Variants in NEDD9 observed in about 807,000 individuals in gnomAD.
NEDD9 encodes the protein enhancer of filamentation 1.
Under a neutral mutation model 76.6 loss-of-function variants are expected in NEDD9, and 26 were observed. That is an observed-to-expected ratio of 0.34 (90% CI 0.25 to 0.47). The LOEUF is 0.47. Among genes scored for constraint, NEDD9 ranks in the 20% least tolerant of loss-of-function variants. The pLI, the probability that NEDD9 is intolerant of heterozygous loss-of-function variation, is 1.00. For synonymous variants in NEDD9, 392 were observed against 414.2 expected (o/e 0.95, Z 0.65); for missense variants, 937 against 1,058.5 (o/e 0.89, Z 1.59).
Position 11,198,454 on chromosome 6 carries a change from T to A in NEDD9, c.460-4762A>T, listed in dbSNP as rs911723120. On this transcript the variant is annotated intron_variant, in intron 2 of 6. Transcript: ENST00000379446. The surrounding 1 kb of genome is among the most constrained non-coding windows in gnomAD (Gnocchi z 4.7). ...CTTGTCTGAGATGCTCTTCTTTCTT[T>A]CCTCATATTCAAACTTTAATTGATT... 2.0e-5 allele frequency: 3 copies of A among 152,238 alleles called. No homozygotes were observed. The highest frequency in any genetic ancestry group is 1.5e-5 in the Non-Finnish European group (1 of 68,126). 9.4% of individuals were successfully genotyped at this position (152,238 alleles called of 1,614,324 possible).
chr6:11,237,104 C>G (rs185255011), upstream of NEDD9, among the ~76,000 whole-genome samples: 5 of 152,300 alleles, frequency 3.3e-5, no homozygotes, highest in East Asian at 9.6e-4. The surrounding 1 kb of genome is among the most constrained non-coding windows in gnomAD (Gnocchi z 4.9). Flanking sequence ...TCTACAACCC[C>G]CACCCTGCCC....
At chr6:11,367,135 C>T (rs1554136258) in intron 1 of NEDD9, among the ~76,000 whole-genome samples, 3 of 152,154 alleles carry the variant, frequency 2.0e-5, no homozygotes, top group Non-Finnish European at 4.4e-5. Flanking sequence ...TATGATTGGT[C>T]AAAATATTAG....
At position 11,376,159 on chromosome 6, in the gene NEDD9, G is replaced by C. The variant is rs570855322; in HGVS notation, c.-214+5980C>G. 2.0e-5 allele frequency among the ~76,000 whole-genome samples: 3 copies of C among 152,308 alleles called. No homozygotes were observed. The South Asian group carries it at 6.2e-4, about 32-fold the overall frequency. ...TTCTTTATAAATTACCCAGCCTTGG[G>C]TATTTCTTTATAGTGATGCAAAACG... On this transcript the variant is annotated intron_variant, in intron 1 of 3. Transcript: ENST00000397378.
intron 2 of NEDD9, chr6:11,200,713 C>T (rs2113735869): frequency 5.3e-6 from 7 of 1,313,392 alleles, no homozygotes; most frequent in Non-Finnish European, 6.8e-6. Flanking sequence ...GAATTTCAAA[C>T]CAAAGCAGCA....
intron 1 of NEDD9, among the ~76,000 whole-genome samples, chr6:11,215,123 T>C (rs1044817944): frequency 1.3e-5 from 2 of 152,212 alleles, no homozygotes; most frequent in Non-Finnish European, 2.9e-5. Flanking sequence ...ATGGAAGGGA[T>C]CTGCCCTCTA....
At chr6:11,306,251 A>C in intron 2 of NEDD9, 1 of 546,854 alleles carries the variant, frequency 1.8e-6, no homozygotes, top group South Asian at 2.3e-5. Flanking sequence ...CAGCTGGAAA[A>C]GCCAAATCCA....
At chr6:11,250,207 C>T (rs1759890097) in intron 3 of NEDD9, among the ~76,000 whole-genome samples, 1 of 152,200 alleles carries the variant, frequency 6.6e-6, no homozygotes, top group Admixed American at 6.5e-5. Context: ...TGGCCCTTGT[C>T]CTTGGAGGTC....
intron 2 of NEDD9, among the ~76,000 whole-genome samples, chr6:11,332,331 G>A (rs187421363): frequency 8.5e-5 from 13 of 152,250 alleles, no homozygotes; most frequent in Admixed American, 5.9e-4. Flanking sequence ...ATGGTTCAAG[G>A]ACTACTTCAC....
chr6:11,230,563 T>G (rs1413858413), intron 1 of NEDD9, among the ~76,000 whole-genome samples: 1 of 152,266 alleles, frequency 6.6e-6, no homozygotes, highest in Non-Finnish European at 1.5e-5. Flanking sequence ...TTTCCTGAAG[T>G]AAAGTTGTTC....
Position 11,296,574 on chromosome 6 carries a change from G to A in NEDD9, c.12+9418C>T, listed in dbSNP as rs548330897. Reference sequence around the variant, plus strand: ...TGGATAAGTACCTTGGAACTGCAGTGAACTTGCATTTAGTGGGAAAGAATG... The same window carrying A: ...TGGATAAGTACCTTGGAACTGCAGTAAACTTGCATTTAGTGGGAAAGAATG... On this transcript the variant is annotated intron_variant, in intron 3 of 3. Coordinates refer to the NEDD9 transcript ENST00000397378. 4.7e-4 allele frequency among the ~76,000 whole-genome samples: 72 copies of A among 152,274 alleles called. 1 individual carries two copies. The highest frequency in any genetic ancestry group is 1.0e-3 in the Admixed American group (16 of 15,294).
chr6:11,239,650 A>G (rs1187092658), intron 3 of NEDD9, among the ~76,000 whole-genome samples: 1 of 152,200 alleles, frequency 6.6e-6, no homozygotes, highest in African/African-American at 2.4e-5. Context: ...TTGGCACAAG[A>G]GACCTCATGA....
intron 3 of NEDD9, among the ~76,000 whole-genome samples, chr6:11,261,512 A>G (rs1044239352): frequency 1.3e-5 from 2 of 152,242 alleles, no homozygotes; most frequent in Non-Finnish European, 2.9e-5. Flanking sequence ...TTCATTCAAC[A>G]TAAATTGAGC....
At chr6:11,219,773 C>A (rs548969227) in intron 1 of NEDD9, among the ~76,000 whole-genome samples, 20 of 152,240 alleles carry the variant, frequency 1.3e-4, no homozygotes, top group Non-Finnish European at 2.2e-4. Flanking sequence ...GGCTACATTT[C>A]TCCTTTCCTT....
Position 11,298,007 on chromosome 6 carries a change from A to C in NEDD9, c.12+7985T>G, listed in dbSNP as rs538447642. Among the ~76,000 whole-genome samples the C allele has an allele frequency of 2.7e-5, 4 of 150,496 alleles. No homozygotes were observed. In the East Asian group the frequency reaches 7.8e-4, roughly 30 times the overall value. Reference sequence around the variant, plus strand: ...ACTGCAACCTCTGCCTCTGGGGTTCAAGCAATTCTCATGCCTCAGCCTTCT... The same window carrying C: ...ACTGCAACCTCTGCCTCTGGGGTTCCAGCAATTCTCATGCCTCAGCCTTCT... On this transcript the variant is annotated intron_variant, in intron 3 of 3. Coordinates refer to the NEDD9 transcript ENST00000397378.
chr6:11,220,087 C>A (rs1342913802), intron 1 of NEDD9, among the ~76,000 whole-genome samples: 1 of 152,210 alleles, frequency 6.6e-6, no homozygotes, highest in Non-Finnish European at 1.5e-5. Context: ...TTCTGACACA[C>A]TTTTCACTAG....
At chr6:11,305,447 T>C (rs1761157235) in intron 3 of NEDD9, 3 of 211,646 alleles carry the variant, frequency 1.4e-5, no homozygotes, top group Non-Finnish European at 1.9e-5. Flanking sequence ...AACTAATAGG[T>C]AAAATTACAT....
intron 2 of NEDD9, chr6:11,200,377 G>T: frequency 1.7e-6 from 1 of 582,702 alleles, no homozygotes; most frequent in Non-Finnish European, 2.8e-6. Flanking sequence ...TCTCTCTGGA[G>T]GCAGAGAACA....
In NEDD9 at chr6:11,370,426, G is replaced by T. The variant is rs944479433; in HGVS notation, c.-214+11713C>A. 6.6e-6 allele frequency among the ~76,000 whole-genome samples: 1 copy of T among 152,106 alleles called. No individual in the cohort carries two copies. The highest frequency in any genetic ancestry group is 1.5e-5 in the Non-Finnish European group (1 of 68,018). ...AAAAGTCTGCCTTTGCCTACAGCAC[G>T]CACACACGGCTGGAGGACGGCTCCC... is the stretch of plus-strand genomic sequence containing the variant. On this transcript the variant is annotated intron_variant, in intron 1 of 3. Transcript: ENST00000397378. This position sits in a 1 kb window ranked among gnomAD's most constrained non-coding sequence, Gnocchi z 4.2.
rs143975380 is a variant in NEDD9, at chr6:11,260,926, A to G, written c.12+45066T>C. Among the ~76,000 whole-genome samples the G allele has an allele frequency of 4.6e-5, 7 of 151,858 alleles. No individual in the cohort carries two copies. The East Asian group carries it at 1.4e-3, about 29-fold the overall frequency. ...TGTGTGTGTGTGTGTGTGTGTTGTA[A>G]AAGAATTCTTCCTGGGATTCATGCT... is the stretch of plus-strand genomic sequence containing the variant. On this transcript the variant is annotated intron_variant, in intron 3 of 3. Transcript: ENST00000397378.
Sources: allele counts gnomAD v4.1 joint callset (sites outside exome capture counted in the v4.1 genomes callset), GRCh38; gene constraint gnomAD v4.1.1; non-coding constraint Gnocchi (gnomAD v3.1); transcripts MANE v1.5; gene names NCBI Gene and HGNC (gene_info 2026-07-23, HGNC 2026-07-21).